CNTNAP2: variants seen among roughly 807,000 people sequenced by gnomAD.
The protein encoded by CNTNAP2 is contactin associated protein 2.
Under a neutral mutation model 155.2 loss-of-function variants are expected in CNTNAP2, and 98 were observed. The ratio of observed to expected loss-of-function variants is 0.63; its 90% CI spans 0.54 to 0.75. The LOEUF (loss-of-function observed/expected upper bound fraction) is 0.75, where lower values mean the gene tolerates loss of function less well. Among genes scored for constraint, CNTNAP2 ranks in the 30% least tolerant of loss-of-function variants. CNTNAP2 has a pLI of 0.00. For synonymous variants in CNTNAP2, 651 were observed against 631.2 expected, an observed-to-expected ratio of 1.03 and a Z score of -0.47; for missense variants, 1,727 against 1,688.1, an observed-to-expected ratio of 1.02 and a Z score of -0.40.
Position 146,658,536 on chromosome 7 carries a change from A to C in CNTNAP2, c.98-115735A>C, listed in dbSNP as rs989131868. Among the ~76,000 whole-genome samples, 4 of 152,232 alleles carry C rather than the reference A, an allele frequency of 2.6e-5. No homozygotes were observed. In the South Asian group the frequency reaches 6.2e-4, roughly 24 times the overall value. ...GGACATTTTAAAAAAACATTGAAAC[A>C]GGAGACAATGGCATGAAAAGGATGA... On this transcript the variant is annotated intron_variant, in intron 1 of 23. Coordinates refer to ENST00000361727, the MANE Select transcript of CNTNAP2 (RefSeq NM_014141.6).
intron 13 of CNTNAP2, among the ~76,000 whole-genome samples, chr7:147,711,995 C>T (rs1411065422): frequency 1.3e-5 from 2 of 152,144 alleles, no homozygotes; most frequent in African/African-American, 4.8e-5. Flanking sequence ...AGATCCTCCA[C>T]AATCTGGCTC....
intron 1 of CNTNAP2, among the ~76,000 whole-genome samples, chr7:146,201,461 A>G (rs962794404): frequency 6.6e-6 from 1 of 152,212 alleles, no homozygotes; most frequent in Admixed American, 6.5e-5. Context: ...TGGATGTTCA[A>G]GATACATTAA....
intron 1 of CNTNAP2, among the ~76,000 whole-genome samples, chr7:146,394,310 A>G (rs1195872332): frequency 1.3e-5 from 2 of 152,140 alleles, no homozygotes; most frequent in Admixed American, 6.6e-5. Context: ...CTAGTTTTTA[A>G]ATAATGTTAT....
At chr7:146,519,604 G>A (rs1306324766) in intron 1 of CNTNAP2, among the ~76,000 whole-genome samples, 1 of 151,860 alleles carries the variant, frequency 6.6e-6, no homozygotes, top group Non-Finnish European at 1.5e-5. Context: ...AACCCATTTT[G>A]TAGTTCATTG....
At chr7:147,966,485 A>C (rs993623706) in intron 14 of CNTNAP2, among the ~76,000 whole-genome samples, 1 of 152,078 alleles carries the variant, frequency 6.6e-6, no homozygotes, top group African/African-American at 2.4e-5. Context: ...CAGGTTTAGA[A>C]ATTTTTATAT....
At chr7:146,894,523 T>C (rs771804933) in intron 3 of CNTNAP2, among the ~76,000 whole-genome samples, 4 of 152,150 alleles carry the variant, frequency 2.6e-5, no homozygotes, top group Non-Finnish European at 5.9e-5. Flanking sequence ...CTTTTGTACA[T>C]GAATTCCTAA....
In CNTNAP2 at chr7:146,787,860, C is replaced by CACTG. The variant is rs1802603452; in HGVS notation, c.208+13481_208+13484dup. ...CCCACCAGATTAGCTAGACATAGAG[C>CACTG]ACTGATTGGTGCATTTACAAACCTT... On this transcript the variant is annotated intron_variant, in intron 2 of 23. Transcript: ENST00000361727. Among the ~76,000 whole-genome samples the CACTG allele has an allele frequency of 5.3e-5, 8 of 152,056 alleles. No individual in the cohort carries two copies. In the South Asian group the frequency reaches 1.7e-3, roughly 32 times the overall value.
At chr7:147,319,804 C>T (rs762788196) in intron 9 of CNTNAP2, among the ~76,000 whole-genome samples, 6 of 151,990 alleles carry the variant, frequency 3.9e-5, no homozygotes, top group African/African-American at 7.3e-5. Context: ...TATAGAAATC[C>T]AACTTAGTAA....
rs566491791 is a variant in CNTNAP2 at position 147,599,562 on chromosome 7, C to A, written c.1897+37305C>A. 2.0e-5 allele frequency among the ~76,000 whole-genome samples: 3 copies of A among 151,690 alleles called. 1 individual carries two copies. Among genetic ancestry groups the A allele is most frequent in the African/African-American group, 7.2e-5 (3 of 41,394 alleles). On this transcript the variant is annotated intron_variant, in intron 12 of 23. Transcript: ENST00000361727. ...TTTATCCTCTCATAGTTCTGGGGAG[C>A]CAGAATTCTGAAATAATGATGTCCA...
chr7:147,933,054 G>A (rs1800533880), intron 14 of CNTNAP2, among the ~76,000 whole-genome samples: 1 of 90,012 alleles, frequency 1.1e-5, no homozygotes, highest in Admixed American at 1.2e-4. Flanking sequence ...TTTATTTGAG[G>A]GGGTTTGTTT....
At chr7:148,059,032 G>A (rs1419629009) in intron 15 of CNTNAP2, among the ~76,000 whole-genome samples, 1 of 152,108 alleles carries the variant, frequency 6.6e-6, no homozygotes, top group Non-Finnish European at 1.5e-5. Context: ...TGTAATCCCA[G>A]CATTTTGGGA....
chr7:147,382,691 C>T (rs1042039933), intron 9 of CNTNAP2, among the ~76,000 whole-genome samples: 1 of 152,010 alleles, frequency 6.6e-6, no homozygotes, highest in Non-Finnish European at 1.5e-5. Flanking sequence ...TGGATAAGGT[C>T]TTTATTAAGG....
At chr7:146,283,443 G>A (rs962366401) in intron 1 of CNTNAP2, among the ~76,000 whole-genome samples, 1 of 152,108 alleles carries the variant, frequency 6.6e-6, no homozygotes. Flanking sequence ...TCACAGGTGA[G>A]TGTAGTCTCA....
Position 147,303,288 on chromosome 7 carries a change from C to T in CNTNAP2, c.1498+2998C>T, listed in dbSNP as rs1392475105. The stretch of plus-strand genomic sequence containing the variant: ...GACCACTGATTTCACCAAAGAAAAC[C>T]CAGTTTGGCATTCAGTTCATTAGAG... On this transcript the variant is annotated intron_variant, in intron 9 of 23. Transcript: ENST00000361727. 2.0e-5 allele frequency among the ~76,000 whole-genome samples: 3 copies of T among 152,106 alleles called. No individual in the cohort carries two copies. The East Asian group carries it at 5.8e-4, about 29-fold the overall frequency.
intron 1 of CNTNAP2, among the ~76,000 whole-genome samples, chr7:146,309,334 G>A (rs548750455): frequency 3.3e-5 from 5 of 152,218 alleles, no homozygotes; most frequent in Non-Finnish European, 5.9e-5. Flanking sequence ...GTCTCTGTTA[G>A]GGGGTATGAG....
intron 13 of CNTNAP2, among the ~76,000 whole-genome samples, chr7:147,765,855 A>G (rs1464049331): frequency 3.9e-5 from 6 of 152,186 alleles, no homozygotes; most frequent in Non-Finnish European, 5.9e-5. Flanking sequence ...ACAAGGGATG[A>G]TATACTCGTA....
intron 13 of CNTNAP2, among the ~76,000 whole-genome samples, chr7:147,766,744 T>G (rs1020520966): frequency 2.0e-5 from 3 of 152,138 alleles, no homozygotes; most frequent in Non-Finnish European, 4.4e-5. Context: ...AACGGAAAAT[T>G]TAATGCATTA....
chr7:147,871,578 C>A (rs1799326807), intron 13 of CNTNAP2, among the ~76,000 whole-genome samples: 1 of 152,158 alleles, frequency 6.6e-6, no homozygotes, highest in Non-Finnish European at 1.5e-5. Flanking sequence ...GCCATTACAA[C>A]CGGCTTGGCA....
chr7:146,987,920 T>C (rs1054111754), intron 3 of CNTNAP2, among the ~76,000 whole-genome samples: 1 of 152,072 alleles, frequency 6.6e-6, no homozygotes, highest in Non-Finnish European at 1.5e-5. Context: ...TAAGATAAAC[T>C]TTCATTAAAG....
Sources: gnomAD v4.1 joint callset for allele counts (sites outside exome capture counted in the v4.1 genomes callset) on GRCh38, gnomAD v4.1.1 for gene constraint, MANE v1.5 for transcripts, NCBI Gene and HGNC (gene_info 2026-07-23, HGNC 2026-07-21) for gene names.